NEDD9: variants seen among roughly 807,000 people sequenced by gnomAD.
The protein encoded by NEDD9 is neural precursor cell expressed, developmentally down-regulated 9.
NEDD9 carries 26 observed loss-of-function variants against 76.6 expected under a neutral mutation model. That is an observed-to-expected ratio of 0.34 (90% CI 0.25 to 0.47). The LOEUF is 0.47. NEDD9 is among the 20% of genes least tolerant of loss of function. The probability of loss-of-function intolerance (pLI) is 1.00; values close to 1 mark genes in which losing one functional copy is unlikely to be tolerated. For missense variants in NEDD9, 937 were observed against 1,058.5 expected (o/e 0.89, Z 1.59); for synonymous variants, 392 against 414.2 (o/e 0.95, Z 0.65).
At chr6:11,199,283 G>A (rs1758366981) in intron 2 of NEDD9, 1 of 152,204 alleles carries the variant, frequency 6.6e-6, no homozygotes, top group African/African-American at 2.4e-5. Flanking sequence ...GGTCTGAAGA[G>A]GGAAGTAATT....
chr6:11,208,986 C>T (rs778066550), intron 2 of NEDD9, among the ~76,000 whole-genome samples: 3 of 152,058 alleles, frequency 2.0e-5, no homozygotes, highest in Non-Finnish European at 2.9e-5. Flanking sequence ...TCAAATTATT[C>T]GACTATGAGT....
At chr6:11,282,232 G>C (rs764271033) in intron 3 of NEDD9, among the ~76,000 whole-genome samples, 2 of 152,178 alleles carry the variant, frequency 1.3e-5, no homozygotes, top group Non-Finnish European at 2.9e-5. Flanking sequence ...ACCTCTCAGC[G>C]ACTTTTGCTC....
intron 6 of NEDD9, 81 bp from the exon 7 acceptor site, chr6:11,185,752 G>A (rs1757965535): frequency 2.6e-6 from 4 of 1,532,486 alleles, no homozygotes; most frequent in Admixed American, 1.9e-5. Context: ...GGAGTTAAAA[G>A]ACAGGGATTT....
chr6:11,307,501 CCTGT>C (rs1029802651), intron 2 of NEDD9, among the ~76,000 whole-genome samples: 10 of 152,208 alleles, frequency 6.6e-5, no homozygotes, highest in Non-Finnish European at 1.2e-4. Context: ...TTTCCAGCGC[CCTGT>C]CTGTCTATTG....
At position 11,331,815 on chromosome 6, in the gene NEDD9, G is replaced by A. The variant is rs78483092; in HGVS notation, c.-153+2686C>T. Among the ~76,000 whole-genome samples the A allele has an allele frequency of 3.8e-3, 580 of 152,294 alleles. 5 individuals are homozygous for A. Among genetic ancestry groups the A allele is most frequent in the African/African-American group, 0.012 (497 of 41,548 alleles). On this transcript the variant is annotated intron_variant, in intron 2 of 3. Transcript: ENST00000397378. ...GACATTTGACATAAGCAGCTTTTACGGGTTGGTGCTGAAACAGGCTGAGAA... is the reference window on the plus strand; with the variant it reads ...GACATTTGACATAAGCAGCTTTTACAGGTTGGTGCTGAAACAGGCTGAGAA...
At chr6:11,251,781 A>G (rs1269783818) in intron 3 of NEDD9, 1 of 152,258 alleles carries the variant, frequency 6.6e-6, no homozygotes, top group Non-Finnish European at 1.5e-5. Flanking sequence ...GCTGGAGAAT[A>G]TTGTCCTTTT....
chr6:11,337,262 TC>T (rs1343112900), intron 1 of NEDD9, among the ~76,000 whole-genome samples: 2 of 152,146 alleles, frequency 1.3e-5, no homozygotes, highest in Non-Finnish European at 2.9e-5. Flanking sequence ...CTGGAATACT[TC>T]CTGAAGGACT....
At chr6:11,307,606 G>A (rs1409672277) in intron 2 of NEDD9, among the ~76,000 whole-genome samples, 1 of 151,936 alleles carries the variant, frequency 6.6e-6, no homozygotes, top group Non-Finnish European at 1.5e-5. Context: ...TGTCTATGGG[G>A]ATACCATAAA....
In NEDD9 at chr6:11,252,888, G is replaced by A. The variant is rs1250527866; in HGVS notation, c.13-39161C>T. 6.6e-6 allele frequency among the ~76,000 whole-genome samples: 1 copy of A among 152,118 alleles called. No individual in the cohort carries two copies. The highest frequency in any genetic ancestry group is 1.5e-5 in the Non-Finnish European group (1 of 68,016). On this transcript the variant is annotated intron_variant, in intron 3 of 3. Coordinates refer to the NEDD9 transcript ENST00000397378. This position sits in a 1 kb window ranked among gnomAD's most constrained non-coding sequence, Gnocchi z 4.3. ...ACACAGAAATGGAAGTGATAGGAAT[G>A]TATTTTTTTTTTCTCCTAAACTTCA...
intron 3 of NEDD9, among the ~76,000 whole-genome samples, chr6:11,272,114 C>T (rs1760320328): frequency 6.6e-6 from 1 of 152,220 alleles, no homozygotes; most frequent in African/African-American, 2.4e-5. Flanking sequence ...CTCTCTCCCT[C>T]TGCTCCTTTC....
At chr6:11,366,802 G>A (rs141511627) in intron 1 of NEDD9, among the ~76,000 whole-genome samples, 3 of 148,870 alleles carry the variant, frequency 2.0e-5, no homozygotes, top group Admixed American at 1.3e-4. Context: ...CTTCATGTGA[G>A]TTACGTCATC....
At chr6:11,214,174 A>G (rs148430363) in intron 1 of NEDD9, 45 of 518,700 alleles carry the variant, frequency 8.7e-5, no homozygotes, top group African/African-American at 7.3e-4. Flanking sequence ...AAAAATCCCA[A>G]ATAACACACA....
At chr6:11,205,924 G>A (rs1442707979) in intron 2 of NEDD9, among the ~76,000 whole-genome samples, 1 of 152,126 alleles carries the variant, frequency 6.6e-6, no homozygotes, top group African/African-American at 2.4e-5. Flanking sequence ...CACTGCGCCC[G>A]ACCTACATCC....
intron 1 of NEDD9, among the ~76,000 whole-genome samples, chr6:11,367,862 CA>C (rs1762796146): frequency 6.6e-6 from 1 of 152,204 alleles, no homozygotes; most frequent in South Asian, 2.1e-4. Flanking sequence ...ACCTTCTACA[CA>C]GCACCCCTTG....
At chr6:11,297,051 T>G (rs1332979877) in intron 3 of NEDD9, among the ~76,000 whole-genome samples, 1 of 151,934 alleles carries the variant, frequency 6.6e-6, no homozygotes, top group East Asian at 1.9e-4. Context: ...TTTCTTTAGA[T>G]AAACTATAAC....
intron 1 of NEDD9, among the ~76,000 whole-genome samples, chr6:11,372,040 A>G (rs531555773): frequency 2.6e-5 from 4 of 152,304 alleles, no homozygotes; most frequent in East Asian, 3.9e-4. Context: ...ATTTTCGACT[A>G]CGGTCATCCT....
At chr6:11,374,064 C>T (rs116142469) in intron 1 of NEDD9, among the ~76,000 whole-genome samples, 8 of 151,132 alleles carry the variant, frequency 5.3e-5, no homozygotes, top group South Asian at 2.1e-4. Flanking sequence ...CTCTCTCTCT[C>T]TCTATATATA....
intron 2 of NEDD9, among the ~76,000 whole-genome samples, chr6:11,310,634 GA>G (rs1432654246): frequency 6.6e-6 from 1 of 152,174 alleles, no homozygotes; most frequent in African/African-American, 2.4e-5. Context: ...AATGAGAGTA[GA>G]TTATCTTCTG....
intron 3 of NEDD9, among the ~76,000 whole-genome samples, chr6:11,253,502 C>G (rs1759949007): frequency 6.6e-6 from 1 of 152,196 alleles, no homozygotes; most frequent in South Asian, 2.1e-4. Context: ...CCCCGTGCCC[C>G]AGGACAAACT....
Sources: gnomAD v4.1 joint callset for allele counts (sites outside exome capture counted in the v4.1 genomes callset) on GRCh38, gnomAD v4.1.1 for gene constraint, Gnocchi (gnomAD v3.1) non-coding constraint, MANE v1.5 for transcripts, NCBI Gene and HGNC (gene_info 2026-07-23, HGNC 2026-07-21) for gene names.